The following TSPAN14 variants were observed in gnomAD, a reference collection of about 807,000 sequenced individuals.
The protein encoded by TSPAN14 is tetraspanin 14.
TSPAN14 carries 16 observed loss-of-function variants against 36.6 expected under a neutral mutation model. The observed-to-expected ratio is 0.44, with a 90% CI of 0.30 to 0.66. The LOEUF (loss-of-function observed/expected upper bound fraction) is 0.66, where lower values mean the gene tolerates loss of function less well. Ranked by LOEUF, TSPAN14 falls within the 30% of genes least tolerant of loss-of-function variation. TSPAN14 has a pLI of 0.12. For synonymous variants in TSPAN14, 139 were observed against 143.8 expected, an observed-to-expected ratio of 0.97 and a Z score of 0.24; for missense variants, 231 against 355.1, an observed-to-expected ratio of 0.65 and a Z score of 2.81.
intron 1 of TSPAN14, among the ~76,000 whole-genome samples, chr10:80,460,100 G>A (rs932669756): frequency 1.3e-5 from 2 of 152,186 alleles, no homozygotes; most frequent in Admixed American, 1.3e-4. Context: ...TATTACGATA[G>A]ATGTAGGAAT....
intron 3 of TSPAN14, among the ~76,000 whole-genome samples, chr10:80,506,172 C>T (rs1379259977): frequency 6.6e-6 from 1 of 152,176 alleles, no homozygotes; most frequent in Non-Finnish European, 1.5e-5. Flanking sequence ...GGGGTTTTGC[C>T]ATGTTGGCCA....
intron 2 of TSPAN14, among the ~76,000 whole-genome samples, chr10:80,493,320 G>T (rs1848020362): frequency 6.6e-6 from 1 of 152,180 alleles, no homozygotes; most frequent in African/African-American, 2.4e-5. Context: ...ATGTAAAATG[G>T]TGCAATTGCT....
chr10:80,520,680 G>A (rs763657144), exon 9 of TSPAN14: 35 of 533,084 alleles, frequency 6.6e-5, no homozygotes, highest in Admixed American at 2.7e-4. Flanking sequence ...AAAACTTGCC[G>A]AGGCCCTATG....
At chr10:80,462,867 C>G (rs192390595) in intron 1 of TSPAN14, among the ~76,000 whole-genome samples, 1 of 152,240 alleles carries the variant, frequency 6.6e-6, no homozygotes, top group East Asian at 1.9e-4. Flanking sequence ...ACTAGGACCT[C>G]GAGCTCCACT....
chr10:80,469,057 T>C (rs1674432427), intron 1 of TSPAN14, among the ~76,000 whole-genome samples: 1 of 152,118 alleles, frequency 6.6e-6, no homozygotes, highest in Admixed American at 6.5e-5. Context: ...ACAGCAGTTA[T>C]TCCTCGGTGC....
chr10:80,496,790 T>C (rs1010261603), intron 2 of TSPAN14, among the ~76,000 whole-genome samples: 8 of 150,114 alleles, frequency 5.3e-5, no homozygotes, highest in African/African-American at 2.0e-4. Context: ...TTGTAGTTTC[T>C]ATTTCTAGTC....
intron 1 of TSPAN14, among the ~76,000 whole-genome samples, chr10:80,459,012 C>G (rs902477149): frequency 1.3e-5 from 2 of 148,444 alleles, no homozygotes; most frequent in African/African-American, 5.0e-5. Flanking sequence ...GTCTACTTTT[C>G]TCATCTGTAA....
exon 9 of TSPAN14, chr10:80,518,355 G>A (rs1446333657): frequency 7.7e-6 from 2 of 258,676 alleles, no homozygotes; most frequent in Admixed American, 9.9e-5. Context: ...CCAGACATCT[G>A]CTTTGGGTCA....
intron 2 of TSPAN14, among the ~76,000 whole-genome samples, chr10:80,500,934 G>A (rs186469286): frequency 6.6e-6 from 1 of 152,338 alleles, no homozygotes; most frequent in Admixed American, 6.5e-5. Context: ...TCTTGAGGTC[G>A]AGGGTCTTTT....
rs3041272 is a variant in TSPAN14, at chr10:80,495,335, C to CTGTGTGTGTG, written c.81+6055_81+6064dup. ...ATAGGAAGTTGACTGTCTTTTGGCA[C>CTGTGTGTGTG]TGTGTGTGTGTGTGTGTGTGTGTGT... On this transcript the variant is annotated intron_variant, in intron 2 of 8. Coordinates refer to ENST00000429989, the Ensembl canonical transcript of TSPAN14. Among the ~76,000 whole-genome samples the CTGTGTGTGTG allele has an allele frequency of 5.5e-3, 751 of 135,674 alleles. 5 individuals carry two copies. Among genetic ancestry groups the CTGTGTGTGTG allele is most frequent in the Non-Finnish European group, 9.0e-3 (580 of 64,664 alleles). 89.0% of individuals were successfully genotyped at this position (135,674 alleles called of 152,430 possible).
intron 3 of TSPAN14, among the ~76,000 whole-genome samples, chr10:80,506,003 ACT>A (rs776144945): frequency 6.6e-6 from 1 of 152,118 alleles, no homozygotes; most frequent in African/African-American, 2.4e-5. Flanking sequence ...CCAGACAGAG[ACT>A]CTGTTGCCCA....
intron 2 of TSPAN14, among the ~76,000 whole-genome samples, chr10:80,504,112 C>A (rs1328502099): frequency 6.6e-6 from 1 of 152,216 alleles, no homozygotes; most frequent in Non-Finnish European, 1.5e-5. Flanking sequence ...AAAAGCCCAG[C>A]CTTTCCTGAG....
At chr10:80,485,544 C>A in intron 1 of TSPAN14, 1 of 768,038 alleles carries the variant, frequency 1.3e-6, no homozygotes, top group Non-Finnish European at 1.6e-6. Flanking sequence ...CCACCTTACA[C>A]TGTGTAGGAG....
chr10:80,511,718 CT>C (rs1840641859), intron 5 of TSPAN14, among the ~76,000 whole-genome samples: 1 of 26,144 alleles, frequency 3.8e-5, no homozygotes, highest in African/African-American at 3.6e-4. Flanking sequence ...GGTCCTCTCT[CT>C]CTCTCTCTCT....
At chr10:80,507,445 G>A in intron 4 of TSPAN14, 71 bp downstream of exon 4, 1 of 1,603,574 alleles carries the variant, frequency 6.2e-7, no homozygotes, top group Non-Finnish European at 8.5e-7. Flanking sequence ...AGGATTATAT[G>A]TTACCTGGTC....
In TSPAN14 at chr10:80,517,796, G is replaced by T. The variant is rs890383323; in HGVS notation, c.742-109G>T. On this transcript the variant is annotated intron_variant, in intron 8 of 8. Coordinates refer to ENST00000429989, the Ensembl canonical transcript of TSPAN14. ...GTCTCTACGTCTTCAGTCGCAGCTG[G>T]GGGGTGAGGAGAGGCGTGCAGTGGG... 9 of 1,045,606 alleles carry T rather than the reference G, an allele frequency of 8.6e-6. No individual in the cohort carries two copies. In the African/African-American group the frequency reaches 1.1e-4, roughly 13 times the overall value. The allele number at this position is 1,045,606 out of a possible 1,614,324, so 64.8% of individuals were successfully genotyped here. A position where few individuals can be genotyped will look rare whatever the true frequency, so the allele number is the denominator to read the frequency against.
intron 1 of TSPAN14, among the ~76,000 whole-genome samples, chr10:80,475,112 A>C (rs2131980924): frequency 6.6e-6 from 1 of 152,300 alleles, no homozygotes; most frequent in East Asian, 1.9e-4. Context: ...GGAGGAGCCA[A>C]GGGCCTGACT....
At chr10:80,510,375 G>A (rs1283243658) in intron 5 of TSPAN14, among the ~76,000 whole-genome samples, 1 of 152,124 alleles carries the variant, frequency 6.6e-6, no homozygotes, top group Non-Finnish European at 1.5e-5. Flanking sequence ...TGCCTGTATT[G>A]TTATTACTAA....
chr10:80,462,211 A>C (rs907392527), intron 1 of TSPAN14, among the ~76,000 whole-genome samples: 6 of 152,146 alleles, frequency 3.9e-5, no homozygotes, highest in African/African-American at 1.4e-4. Context: ...TTCAGAAAGC[A>C]TCTTATTCTG....
Sources: allele counts gnomAD v4.1 joint callset (sites outside exome capture counted in the v4.1 genomes callset), GRCh38; gene constraint gnomAD v4.1.1; transcripts MANE v1.5; gene names NCBI Gene and HGNC (gene_info 2026-07-23, HGNC 2026-07-21).